CRYL1: variants seen among roughly 807,000 people sequenced by gnomAD.
The protein encoded by CRYL1 is crystallin lambda 1.
CRYL1 carries 29 observed loss-of-function variants against 36.6 expected under a neutral mutation model. The ratio of observed to expected loss-of-function variants is 0.79; its 90% confidence interval spans 0.59 to 1.08. The LOEUF is 1.08. Ranked by LOEUF, CRYL1 falls within the 50% of genes least tolerant of loss-of-function variation. The probability of loss-of-function intolerance (pLI) is 0.00; values close to 1 mark genes in which losing one functional copy is unlikely to be tolerated. For synonymous variants in CRYL1, 152 were observed against 151.5 expected (o/e 1.00, Z -0.02); for missense variants, 411 against 407.9 (o/e 1.01, Z -0.06).
At chr13:20,508,870 AAAAAACAAAAAAAAAAAAC>A (rs2033857364) in intron 2 of CRYL1, among the ~76,000 whole-genome samples, 2 of 14,416 alleles carry the variant, frequency 1.4e-4, no homozygotes, top group South Asian at 3.6e-3. Context: ...AAAAAAAAAA[AAAAAACAAAAAAAAAAAAC>A]TGACAACAAC....
intron 2 of CRYL1, among the ~76,000 whole-genome samples, chr13:20,502,949 A>C (rs2033728217): frequency 6.6e-6 from 1 of 152,152 alleles, no homozygotes; most frequent in Admixed American, 6.5e-5. Context: ...ATGACTGCTA[A>C]TGTGCATTGG....
At chr13:20,440,490 A>G (rs1278648487) in intron 3 of CRYL1, among the ~76,000 whole-genome samples, 1 of 152,202 alleles carries the variant, frequency 6.6e-6, no homozygotes. Context: ...AGTTTCTTGT[A>G]CTTTCTAATT....
In CRYL1 at chr13:20,508,089, C is replaced by T. The variant is rs960494840; in HGVS notation, c.149+4354G>A. On this transcript the variant is annotated intron_variant, in intron 2 of 7. Transcript: ENST00000298248. Reference sequence around the variant, plus strand: ...CAAAAAAATACAAAAATTAGCTGGGCGTGGTGGTGCACACCCCTAATCCCA... The same window carrying T: ...CAAAAAAATACAAAAATTAGCTGGGTGTGGTGGTGCACACCCCTAATCCCA... 4.6e-5 allele frequency among the ~76,000 whole-genome samples: 7 copies of T among 152,106 alleles called. No homozygotes were observed. The East Asian group carries it at 5.8e-4, about 13-fold the overall frequency.
intron 1 of CRYL1, chr13:20,515,868 A>G (rs1176915715): frequency 6.6e-6 from 1 of 152,176 alleles, no homozygotes; most frequent in Non-Finnish European, 1.5e-5. Flanking sequence ...CATACTTAAC[A>G]CTACTGAACT....
intron 5 of CRYL1, among the ~76,000 whole-genome samples, chr13:20,414,306 C>A (rs1157848871): frequency 6.6e-6 from 1 of 151,530 alleles, no homozygotes; most frequent in Non-Finnish European, 1.5e-5. Flanking sequence ...TCACCTTTTC[C>A]ATCCCTGCAA....
intron 5 of CRYL1, among the ~76,000 whole-genome samples, chr13:20,429,765 T>C (rs2032014584): frequency 6.6e-6 from 1 of 152,124 alleles, no homozygotes; most frequent in South Asian, 2.1e-4. Flanking sequence ...AGTGTGCCAG[T>C]GCTCCAGTTC....
At chr13:20,456,656 A>AAC (rs35160798) in intron 3 of CRYL1, among the ~76,000 whole-genome samples, 43,444 of 142,538 alleles carry the variant, frequency 0.3, 7,190 homozygotes, top group African/African-American at 0.33. Context: ...CGATTCTTAA[A>AAC]ACACACACAC....
chr13:20,413,128 G>A (rs1002368336), intron 6 of CRYL1, among the ~76,000 whole-genome samples, 154 bp downstream of exon 6: 9 of 152,100 alleles, frequency 5.9e-5, no homozygotes, highest in African/African-American at 1.7e-4. Context: ...ACAGCGTTTC[G>A]AATCCCTGCC....
chr13:20,513,713 A>G (rs1288423426), intron 1 of CRYL1: 1 of 152,208 alleles, frequency 6.6e-6, no homozygotes, highest in East Asian at 1.9e-4. Flanking sequence ...AAAGTCATAA[A>G]GAGTTCACAT....
intron 2 of CRYL1, among the ~76,000 whole-genome samples, chr13:20,509,698 C>T (rs1377074949): frequency 5.3e-5 from 8 of 151,902 alleles, no homozygotes; most frequent in South Asian, 2.1e-4. Flanking sequence ...GAGGCCGAGG[C>T]GGGTGGATCA....
chr13:20,451,477 A>T (rs2032569765), intron 3 of CRYL1, among the ~76,000 whole-genome samples: 2 of 152,232 alleles, frequency 1.3e-5, no homozygotes, highest in African/African-American at 4.8e-5. Context: ...AAAAATGAGC[A>T]AAAGACATGA....
intron 3 of CRYL1, among the ~76,000 whole-genome samples, chr13:20,479,249 T>G (rs2033227651): frequency 6.6e-6 from 1 of 152,210 alleles, no homozygotes. Flanking sequence ...ATAATCACTT[T>G]AAAGATCAGC....
chr13:20,431,112 G>A lies in CRYL1; in HGVS notation c.633+990C>T, dbSNP rs1052303444. The A allele has an allele frequency of 9.1e-6, 9 of 985,242 alleles. No individual in the cohort carries two copies. The South Asian group carries it at 2.3e-4, about 26-fold the overall frequency. The allele number at this position is 985,242 out of a possible 1,614,324, so 61.0% of individuals were successfully genotyped here. A position where few individuals can be genotyped will look rare whatever the true frequency, so the allele number is the denominator to read the frequency against. On this transcript the variant is annotated intron_variant, in intron 5 of 7. Coordinates refer to ENST00000298248, the MANE Select transcript of CRYL1 (RefSeq NM_015974.3). ...TTTGGCCCAACAAGAGAAGCAGGCC[G>A]CGGGAGGCCACATCTGTGATGCACA...
At chr13:20,458,503 C>T (rs946184457) in intron 3 of CRYL1, among the ~76,000 whole-genome samples, 8 of 151,680 alleles carry the variant, frequency 5.3e-5, no homozygotes, top group African/African-American at 1.5e-4. Context: ...TTCTAGTGGC[C>T]GCATTAAAAA....
Position 20,413,372 on chromosome 13 carries a change from G to C in CRYL1, c.649C>G (p.Pro217Ala). The C allele has an allele frequency of 6.2e-7, 1 of 1,612,302 alleles. No individual in the cohort carries two copies. The highest frequency in any genetic ancestry group is 8.5e-7 in the Non-Finnish European group (1 of 1,178,806). Residue 217 changes from proline (P) to alanine (A), a missense_variant, in exon 6 of 8, where the codon CCT becomes GCT. Coordinates refer to ENST00000298248, the MANE Select transcript of CRYL1 (RefSeq NM_015974.3). ...WRLVEEGIVS[P>A]SDLDLVMSEG... ...GACATGACAAGGTCCAGGTCACTAG[G>C]AGACACGATTCCTTCCTACGTGGAG...
At chr13:20,475,531 C>A (rs1361415515) in intron 3 of CRYL1, among the ~76,000 whole-genome samples, 1 of 152,134 alleles carries the variant, frequency 6.6e-6, no homozygotes, top group African/African-American at 2.4e-5. Context: ...GGAATAAATA[C>A]TAGCACCCAC....
intron 3 of CRYL1, 118 bp from the exon 4 acceptor site, chr13:20,439,872 C>A: frequency 3.1e-6 from 3 of 971,806 alleles, no homozygotes; most frequent in Non-Finnish European, 1.5e-6. Flanking sequence ...AGGTTCAAGA[C>A]GTGTTATCCC....
chr13:20,421,640 C>T (rs1275980578), intron 5 of CRYL1, among the ~76,000 whole-genome samples: 1 of 152,112 alleles, frequency 6.6e-6, no homozygotes, highest in Admixed American at 6.5e-5. Flanking sequence ...GCTCCTTACC[C>T]CCATCCTCTA....
intron 3 of CRYL1, among the ~76,000 whole-genome samples, chr13:20,449,585 T>C (rs1020894715): frequency 2.6e-5 from 4 of 151,998 alleles, no homozygotes; most frequent in South Asian, 4.2e-4. Flanking sequence ...AGAAGACAGA[T>C]TGGAAGTTCT....
Sources: allele counts gnomAD v4.1 joint callset (sites outside exome capture counted in the v4.1 genomes callset), GRCh38; gene constraint gnomAD v4.1.1; transcripts MANE v1.5; gene names NCBI Gene and HGNC (gene_info 2026-07-23, HGNC 2026-07-21).